The following SSH1 variants were observed in gnomAD, a reference collection of about 807,000 sequenced individuals.
SSH1 encodes slingshot protein phosphatase 1.
A neutral mutation model predicts 79.7 loss-of-function variants in SSH1; 43 were observed. That is an observed-to-expected ratio of 0.54 (90% CI 0.42 to 0.70). SSH1 has a LOEUF of 0.70. Ranked by LOEUF, SSH1 falls within the 30% of genes least tolerant of loss-of-function variation. The pLI is 0.00. For missense variants in SSH1, 1,206 were observed against 1,358.8 expected (o/e 0.89, Z 1.77); for synonymous variants, 599 against 538.3 (o/e 1.11, Z -1.56).
chr12:108,811,484 A>G (rs978380133), intron 5 of SSH1, 156 bp from the exon 6 acceptor site: 1 of 722,768 alleles, frequency 1.4e-6, no homozygotes, highest in Non-Finnish European at 2.5e-6. Flanking sequence ...TCTAGAAGAC[A>G]CAGGTCTGGG....
intron 9 of SSH1, among the ~76,000 whole-genome samples, chr12:108,805,694 T>TA (rs34446364): frequency 0.4 from 57,641 of 144,394 alleles, 11,769 homozygotes; most frequent in East Asian, 0.67. Context: ...CCAAGTCTCT[T>TA]AAAAAAAAAA....
At chr12:108,818,707 T>C (rs2037997752) in intron 3 of SSH1, among the ~76,000 whole-genome samples, 1 of 152,252 alleles carries the variant, frequency 6.6e-6, no homozygotes, top group Non-Finnish European at 1.5e-5. Flanking sequence ...AGGCATTTGC[T>C]AAGAGTTAAT....
At chr12:108,835,857 T>C (rs899928269) in intron 2 of SSH1, among the ~76,000 whole-genome samples, 10 of 143,192 alleles carry the variant, frequency 7.0e-5, no homozygotes, top group Admixed American at 7.0e-5. Context: ...ATTTATGATA[T>C]ATAGCATATA....
Position 108,819,503 on chromosome 12 carries a change from G to A in SSH1, c.215-1190C>T, listed in dbSNP as rs927007426. 2.0e-5 allele frequency among the ~76,000 whole-genome samples: 3 copies of A among 152,284 alleles called. No homozygotes were observed. In the East Asian group the frequency reaches 5.8e-4, roughly 29 times the overall value. ...ACACATTTTTCTTTATATCTGCAAGGATTTCTTTCTGAAGAAAGGGTCATC... is the reference window on the plus strand; with the variant it reads ...ACACATTTTTCTTTATATCTGCAAGAATTTCTTTCTGAAGAAAGGGTCATC... On this transcript the variant is annotated intron_variant, in intron 3 of 14. Coordinates refer to ENST00000326495, the MANE Select transcript of SSH1 (RefSeq NM_018984.4).
At chr12:108,802,560 G>GGGAGGGAGGGAC (rs1336976729) in intron 10 of SSH1, among the ~76,000 whole-genome samples, 192 bp from the exon 11 acceptor site, 2 of 152,178 alleles carry the variant, frequency 1.3e-5, no homozygotes, top group Non-Finnish European at 2.9e-5. Flanking sequence ...ATGAGAGGAA[G>GGGAGGGAGGGAC]GGAGGGAGGG....
In SSH1 at chr12:108,785,379, C is replaced by T. The variant is rs1044793689; in HGVS notation, c.*2609G>A. On this transcript the variant is annotated 3_prime_UTR_variant, in exon 15 of 15. Transcript: ENST00000326495. ...TCAGATGATCCGCCTGCCTCGGCCTCCCAAAGTGCTAGGATTACAGGCGTG... is the reference window on the plus strand; with the variant it reads ...TCAGATGATCCGCCTGCCTCGGCCTTCCAAAGTGCTAGGATTACAGGCGTG... 6.6e-6 allele frequency: 1 copy of T among 152,308 alleles called. No individual in the cohort carries two copies. Among genetic ancestry groups the T allele is most frequent in the African/African-American group, 2.4e-5 (1 of 41,452 alleles). The allele number at this position is 152,308 out of a possible 1,614,324, so 9.4% of individuals were successfully genotyped here.
At chr12:108,835,468 C>A (rs570325217) in intron 2 of SSH1, among the ~76,000 whole-genome samples, 4 of 152,192 alleles carry the variant, frequency 2.6e-5, no homozygotes, top group African/African-American at 9.6e-5. Context: ...AACACTGAGG[C>A]TCAGGGAGGT....
chr12:108,815,913 C>T (rs1037720725), intron 5 of SSH1, among the ~76,000 whole-genome samples: 2 of 152,220 alleles, frequency 1.3e-5, no homozygotes, highest in Admixed American at 1.3e-4. Context: ...AAGTCTCAGT[C>T]GCTAGCATGT....
rs377056237 is a variant in SSH1 at position 108,800,938 on chromosome 12, A to C, written c.1002-12T>G. Reference sequence around the variant, plus strand: ...AAATGTAATCAACCCTGCAATGAGAAAAAAATAAGAAACAAATTTGGACAA... The same window carrying C: ...AAATGTAATCAACCCTGCAATGAGACAAAAATAAGAAACAAATTTGGACAA... On this transcript the variant is annotated splice_polypyrimidine_tract_variant and intron_variant, in intron 11 of 14. Transcript: ENST00000326495. The C allele has an allele frequency of 6.2e-7, 1 of 1,611,302 alleles. No individual in the cohort carries two copies. The highest frequency in any genetic ancestry group is 1.3e-5 in the African/African-American group (1 of 74,814).
rs753587139 is a variant in SSH1 at position 108,853,057 on chromosome 12, G to A, written c.70-379C>T. On this transcript the variant is annotated intron_variant, in intron 1 of 14. Transcript: ENST00000326495. ...AAGGGGAGGGGGTCATGTTTAAAGA[G>A]AATCCACTTCCTCCGCAGAGCCAGG... The A allele has an allele frequency of 9.1e-6, 9 of 985,218 alleles. No individual in the cohort carries two copies. The Admixed American group carries it at 5.5e-4, about 61-fold the overall frequency. 61.0% of individuals were successfully genotyped at this position (985,218 alleles called of 1,614,324 possible).
intron 5 of SSH1, among the ~76,000 whole-genome samples, chr12:108,813,107 C>T (rs2037701511): frequency 6.6e-6 from 1 of 151,942 alleles, no homozygotes; most frequent in African/African-American, 2.4e-5. Context: ...CTCAAGCAGT[C>T]CTCTTGTCTC....
intron 2 of SSH1, among the ~76,000 whole-genome samples, chr12:108,839,676 T>C (rs1210736498): frequency 2.0e-5 from 3 of 151,686 alleles, no homozygotes; most frequent in Non-Finnish European, 4.4e-5. Flanking sequence ...AAAGTAACCA[T>C]TCAAGAAAAG....
chr12:108,818,437 C>T, intron 3 of SSH1, 124 bp from the exon 4 acceptor site: 2 of 796,286 alleles, frequency 2.5e-6, no homozygotes, highest in Admixed American at 2.5e-5. Flanking sequence ...TCTACCTACA[C>T]CACAGGAGAA....
At chr12:108,805,022 C>G in intron 10 of SSH1, 34 bp downstream of exon 10, 2 of 1,612,924 alleles carry the variant, frequency 1.2e-6, no homozygotes, top group Non-Finnish European at 1.7e-6. Flanking sequence ...TTTATGTCCC[C>G]CAAACCAGAT....
rs1008382644 is a variant in SSH1, at chr12:108,783,995, GC to G, written c.*3992del. On this transcript the variant is annotated 3_prime_UTR_variant, in exon 15 of 15. Coordinates refer to ENST00000326495, the MANE Select transcript of SSH1 (RefSeq NM_018984.4). ...CTCGCTGAGTTGCGTGTTTAGAGGA[GC>G]CCTGCTAGGTGGCCAGCCAATGAGA... 12 of 152,312 alleles carry G rather than the reference GC, an allele frequency of 7.9e-5. No homozygotes were observed. Among genetic ancestry groups the G allele is most frequent in the African/African-American group, 2.6e-4 (11 of 41,546 alleles). The allele number at this position is 152,312 out of a possible 1,614,324, so 9.4% of individuals were successfully genotyped here. A position where few individuals can be genotyped will look rare whatever the true frequency, so the allele number is the denominator to read the frequency against.
chr12:108,812,242 T>C (rs1405216635), intron 5 of SSH1, among the ~76,000 whole-genome samples: 3 of 152,216 alleles, frequency 2.0e-5, no homozygotes, highest in Non-Finnish European at 2.9e-5. Flanking sequence ...AGGGACTAAC[T>C]AGTATTTCTC....
chr12:108,855,315 T>C (rs2137303628), intron 1 of SSH1, among the ~76,000 whole-genome samples: 1 of 152,248 alleles, frequency 6.6e-6, no homozygotes, highest in African/African-American at 2.4e-5. Context: ...AGTAGATTAG[T>C]GGTTGCCTAA....
At chr12:108,854,974 G>C (rs1269872615) in intron 1 of SSH1, among the ~76,000 whole-genome samples, 1 of 152,194 alleles carries the variant, frequency 6.6e-6, no homozygotes, top group Non-Finnish European at 1.5e-5. Context: ...GCCAAGCAAT[G>C]AATGCTGCAG....
chr12:108,852,808 C>T (rs2039071000), intron 1 of SSH1, 130 bp from the exon 2 acceptor site: 3 of 1,570,700 alleles, frequency 1.9e-6, no homozygotes, highest in Admixed American at 1.8e-5. Context: ...TACTTCTAAA[C>T]AGCCGTGCCC....
Sources: gnomAD v4.1 joint callset for allele counts (sites outside exome capture counted in the v4.1 genomes callset) on GRCh38, gnomAD v4.1.1 for gene constraint, MANE v1.5 for transcripts, NCBI Gene and HGNC (gene_info 2026-07-23, HGNC 2026-07-21) for gene names.